ADAMTS6: variants seen among roughly 807,000 people sequenced by gnomAD.
The protein encoded by ADAMTS6 is ADAM metallopeptidase with thrombospondin type 1 motif 6, also known as A disintegrin and metalloproteinase with thrombospondin motifs 6.
Under a neutral mutation model 144.3 loss-of-function variants are expected in ADAMTS6, and 23 were observed. The observed-to-expected ratio is 0.16, with a 90% CI of 0.11 to 0.23. The LOEUF (loss-of-function observed/expected upper bound fraction) is 0.23, where lower values mean the gene tolerates loss of function less well. Ranked by LOEUF, ADAMTS6 falls within the 10% of genes least tolerant of loss-of-function variation. The probability of loss-of-function intolerance (pLI) is 1.00; values close to 1 mark genes in which losing one functional copy is unlikely to be tolerated. For missense variants in ADAMTS6, 999 were observed against 1,379.6 expected (o/e 0.72, Z 4.37); for synonymous variants, 444 against 457.5 (o/e 0.97, Z 0.38).
intron 7 of ADAMTS6, among the ~76,000 whole-genome samples, chr5:65,443,626 A>C (rs1166301595): frequency 2.1e-5 from 1 of 47,140 alleles, no homozygotes; most frequent in Admixed American, 1.8e-4. Context: ...CTGTCTCAAA[A>C]AAAAAAAAAA....
At chr5:65,242,238 T>G in intron 14 of ADAMTS6, 32 bp from the exon 15 acceptor site, 2 of 1,529,678 alleles carry the variant, frequency 1.3e-6, no homozygotes, top group Non-Finnish European at 1.8e-6. Flanking sequence ...AATGGTACCA[T>G]TGTTGGAAAA....
chr5:65,425,217 G>A (rs1046861362), intron 7 of ADAMTS6, among the ~76,000 whole-genome samples: 11 of 152,102 alleles, frequency 7.2e-5, no homozygotes, highest in Admixed American at 2.0e-4. Flanking sequence ...ATTTAGAGAC[G>A]GGGTTTTGCC....
At chr5:65,421,946 C>A (rs1471033893) in intron 7 of ADAMTS6, among the ~76,000 whole-genome samples, 3 of 151,924 alleles carry the variant, frequency 2.0e-5, no homozygotes, top group Admixed American at 6.6e-5. Context: ...GCAACAAAAA[C>A]AAAAATAAAT....
intron 11 of ADAMTS6, among the ~76,000 whole-genome samples, chr5:65,275,134 C>A (rs1762357987): frequency 7.2e-6 from 1 of 139,042 alleles, no homozygotes; most frequent in African/African-American, 2.7e-5. Flanking sequence ...GTGGGAAGAT[C>A]GCTTGAGCCC....
chr5:65,298,545 T>C (rs2112791910), intron 10 of ADAMTS6, among the ~76,000 whole-genome samples: 1 of 152,270 alleles, frequency 6.6e-6, no homozygotes, highest in African/African-American at 2.4e-5. Flanking sequence ...AAAATGATAT[T>C]GCTAGTGCTT....
chr5:65,220,404 T>G (rs1210438841), intron 18 of ADAMTS6, among the ~76,000 whole-genome samples: 1 of 151,596 alleles, frequency 6.6e-6, no homozygotes, highest in Non-Finnish European at 1.5e-5. Context: ...CTAGAAAAAA[T>G]AAGAACAAAT....
chr5:65,456,731 C>A (rs988561096), intron 4 of ADAMTS6, among the ~76,000 whole-genome samples: 2 of 152,056 alleles, frequency 1.3e-5, no homozygotes. Context: ...ATATCTATTT[C>A]AATGGACTAG....
intron 20 of ADAMTS6, among the ~76,000 whole-genome samples, chr5:65,213,349 A>G (rs1372122624): frequency 6.6e-6 from 1 of 152,224 alleles, no homozygotes; most frequent in Non-Finnish European, 1.5e-5. Context: ...GAGACTAAAA[A>G]TACTGAATTA....
chr5:65,273,068 G>A (rs1762181455), intron 12 of ADAMTS6, among the ~76,000 whole-genome samples: 1 of 152,002 alleles, frequency 6.6e-6, no homozygotes, highest in African/African-American at 2.4e-5. Flanking sequence ...ATAACAAAAA[G>A]ATTGTTGTTG....
At chr5:65,406,833 G>T (rs1754555873) in intron 7 of ADAMTS6, among the ~76,000 whole-genome samples, 2 of 151,674 alleles carry the variant, frequency 1.3e-5, no homozygotes, top group South Asian at 4.2e-4. Flanking sequence ...CTAGTTTATT[G>T]AGAGTTTTTA....
chr5:65,290,492 A>G (rs1185632540), intron 11 of ADAMTS6, among the ~76,000 whole-genome samples: 1 of 152,170 alleles, frequency 6.6e-6, no homozygotes, highest in Non-Finnish European at 1.5e-5. Context: ...CAGAGGTTGC[A>G]GTGAGCCAAG....
chr5:65,304,838 C>A (rs1743773553), intron 9 of ADAMTS6, among the ~76,000 whole-genome samples: 1 of 151,484 alleles, frequency 6.6e-6, no homozygotes, highest in Admixed American at 6.6e-5. Context: ...TCTTGAATAA[C>A]AAAAAAGTCT....
chr5:65,426,335 AG>A (rs769137419), intron 7 of ADAMTS6, among the ~76,000 whole-genome samples: 5 of 151,378 alleles, frequency 3.3e-5, no homozygotes, highest in Admixed American at 6.6e-5. Flanking sequence ...CTGGGATTAC[AG>A]GTGTGAGCCA....
At position 65,188,259 on chromosome 5, in the gene ADAMTS6, C is replaced by T. The variant is rs770099778; in HGVS notation, c.2706-39G>A. 1.9e-6 allele frequency: 3 copies of T among 1,601,322 alleles called. No homozygotes were observed. In the Admixed American group the frequency reaches 5.0e-5, roughly 27 times the overall value. On this transcript the variant is annotated intron_variant, in intron 21 of 24. Coordinates refer to ENST00000381055, the MANE Select transcript of ADAMTS6 (RefSeq NM_197941.4). ...TGGAAGAAACACAGAAAAGCATTTC[C>T]TCAGTGCATCCAGAGATTTTTAGCT...
At chr5:65,316,738 A>G (rs1041597414) in intron 9 of ADAMTS6, among the ~76,000 whole-genome samples, 2 of 152,214 alleles carry the variant, frequency 1.3e-5, no homozygotes, top group African/African-American at 4.8e-5. Context: ...TATTAAGGAT[A>G]AAAATAAACA....
chr5:65,366,158 C>T (rs76975501), intron 7 of ADAMTS6, among the ~76,000 whole-genome samples: 58 of 152,202 alleles, frequency 3.8e-4, no homozygotes, highest in African/African-American at 1.4e-3. Context: ...GCAAACACAC[C>T]TAACCTGATA....
chr5:65,238,612 A>AT (rs1758891615), intron 15 of ADAMTS6, among the ~76,000 whole-genome samples: 2 of 151,986 alleles, frequency 1.3e-5, no homozygotes, highest in Non-Finnish European at 2.9e-5. Context: ...AAAAAAAAAA[A>AT]GGAATATGGG....
At chr5:65,264,726 G>GGCTA (rs1248974050) in intron 12 of ADAMTS6, among the ~76,000 whole-genome samples, 1 of 152,036 alleles carries the variant, frequency 6.6e-6, no homozygotes, top group African/African-American at 2.4e-5. Flanking sequence ...GGTAGCTAGT[G>GGCTA]GCTACTATGT....
In ADAMTS6 at chr5:65,471,234, C is replaced by G. The variant is rs140798292; in HGVS notation, c.98-92G>C. On this transcript the variant is annotated intron_variant, in intron 2 of 24. Coordinates refer to ENST00000381055, the MANE Select transcript of ADAMTS6 (RefSeq NM_197941.4). ...AAAGAAGCAGCAATATAAACAACAA[C>G]TATGTCAATTAAAACTATGAATCAT... 3.5e-5 allele frequency: 45 copies of G among 1,289,280 alleles called. No homozygotes were observed. The Admixed American group carries it at 1.3e-3, about 38-fold the overall frequency. The allele number at this position is 1,289,280 out of a possible 1,614,324, so 79.9% of individuals were successfully genotyped here.
Sources: allele counts gnomAD v4.1 joint callset (sites outside exome capture counted in the v4.1 genomes callset), GRCh38; gene constraint gnomAD v4.1.1; transcripts MANE v1.5; gene names NCBI Gene and HGNC (gene_info 2026-07-23, HGNC 2026-07-21).